Variants in PCDH15 observed in about 807,000 individuals in gnomAD.
The protein encoded by PCDH15 is protocadherin related 15, also known as protocadherin-15.
Under a neutral mutation model 178.5 loss-of-function variants are expected in PCDH15, and 129 were observed. The observed-to-expected ratio is 0.72, with a 90% CI of 0.63 to 0.84. The LOEUF (loss-of-function observed/expected upper bound fraction) is 0.84. PCDH15 is among the 40% of genes least tolerant of loss of function. PCDH15 has a pLI of 0.00. For missense variants in PCDH15, 2,230 were observed against 2,099.9 expected, an observed-to-expected ratio of 1.06 and a Z score of -1.21; for synonymous variants, 800 against 732.0, an observed-to-expected ratio of 1.09 and a Z score of -1.50.
intron 37 of PCDH15, chr10:53,809,132 G>A: frequency 1.2e-6 from 2 of 1,613,720 alleles, no homozygotes; most frequent in Non-Finnish European, 8.5e-7. Context: ...TCTGATTCAG[G>A]GGTGGAACTC....
intron 2 of PCDH15, among the ~76,000 whole-genome samples, chr10:55,160,102 C>A (rs546366524): frequency 6.6e-6 from 1 of 152,006 alleles, no homozygotes; most frequent in African/African-American, 2.4e-5. Context: ...CAGTGAGAAG[C>A]GGCCCTGTGA....
chr10:55,462,822 T>A (rs538007339), intron 2 of PCDH15, among the ~76,000 whole-genome samples: 20 of 152,138 alleles, frequency 1.3e-4, no homozygotes, highest in Non-Finnish European at 2.8e-4. Context: ...AAAGGGTATA[T>A]GTTATACTAA....
intron 1 of PCDH15, among the ~76,000 whole-genome samples, chr10:55,247,190 T>C (rs150696449): frequency 1.7e-3 from 253 of 152,338 alleles, no homozygotes; most frequent in African/African-American, 5.9e-3. Flanking sequence ...TGCTGCAATG[T>C]ATTCTTTAGT....
chr10:53,940,224 G>A (rs2134066604), intron 24 of PCDH15, among the ~76,000 whole-genome samples: 1 of 152,232 alleles, frequency 6.6e-6, no homozygotes, highest in South Asian at 2.1e-4. Flanking sequence ...AGAACTTGTG[G>A]AGAACAGGTA....
intron 2 of PCDH15, among the ~76,000 whole-genome samples, chr10:55,098,906 G>C (rs1044494622): frequency 7.3e-6 from 1 of 136,218 alleles, no homozygotes; most frequent in African/African-American, 2.9e-5. Flanking sequence ...GAGAGAGAGA[G>C]AGAGAGAGAG....
At chr10:54,771,372 C>G (rs1335805072) in intron 1 of PCDH15, among the ~76,000 whole-genome samples, 2 of 152,024 alleles carry the variant, frequency 1.3e-5, no homozygotes, top group Non-Finnish European at 2.9e-5. Context: ...ATACTTATGT[C>G]TTCTTATTTT....
At chr10:55,529,686 G>A (rs1490729113) in intron 2 of PCDH15, among the ~76,000 whole-genome samples, 5 of 128,166 alleles carry the variant, frequency 3.9e-5, no homozygotes, top group Admixed American at 9.0e-5. Context: ...CTGCCTTTAG[G>A]GATTATAAAT....
intron 1 of PCDH15, among the ~76,000 whole-genome samples, chr10:54,739,883 A>T (rs1944569295): frequency 1.3e-5 from 2 of 152,076 alleles, no homozygotes; most frequent in South Asian, 4.1e-4. Flanking sequence ...AAAATCAAAT[A>T]AAAATGGATT....
At chr10:55,017,808 G>C (rs1397773809) in intron 2 of PCDH15, among the ~76,000 whole-genome samples, 1 of 151,948 alleles carries the variant, frequency 6.6e-6, no homozygotes, top group Non-Finnish European at 1.5e-5. Context: ...AGGCCTATTA[G>C]AGCTGAATAA....
chr10:54,379,566 GA>G (rs1303251372), intron 3 of PCDH15, among the ~76,000 whole-genome samples: 3 of 151,232 alleles, frequency 2.0e-5, no homozygotes, highest in Non-Finnish European at 4.4e-5. Context: ...ACATTTCAGT[GA>G]TTGCTTTCTT....
intron 5 of PCDH15, among the ~76,000 whole-genome samples, chr10:54,359,961 T>C (rs1352035806): frequency 1.3e-5 from 2 of 152,132 alleles, no homozygotes; most frequent in Non-Finnish European, 2.9e-5. Flanking sequence ...CAATTACTAA[T>C]TAAATCAGCA....
At chr10:55,252,432 A>C (rs1341896864) in intron 1 of PCDH15, among the ~76,000 whole-genome samples, 1 of 152,160 alleles carries the variant, frequency 6.6e-6, no homozygotes, top group African/African-American at 2.4e-5. Flanking sequence ...TCCTTTTTAA[A>C]AAATATTTAA....
chr10:54,513,468 C>T (rs889460118), intron 3 of PCDH15, among the ~76,000 whole-genome samples: 3 of 151,966 alleles, frequency 2.0e-5, no homozygotes, highest in Admixed American at 6.6e-5. Flanking sequence ...CACACAAACA[C>T]ACCAGTATTC....
intron 2 of PCDH15, among the ~76,000 whole-genome samples, chr10:54,996,152 G>T (rs2131923380): frequency 6.6e-6 from 1 of 152,240 alleles, no homozygotes; most frequent in South Asian, 2.1e-4. Context: ...AGGAGTTTCA[G>T]AAACCCTCCT....
At chr10:54,809,127 T>C (rs1281421058) in intron 3 of PCDH15, among the ~76,000 whole-genome samples, 1 of 152,148 alleles carries the variant, frequency 6.6e-6, no homozygotes, top group Non-Finnish European at 1.5e-5. Flanking sequence ...TATTTGTAAA[T>C]TACTTAACCA....
In PCDH15 at chr10:54,725,291, A is replaced by T. The variant is rs1481225184; in HGVS notation, c.-28-61001T>A. Among the ~76,000 whole-genome samples, 3 of 150,848 alleles carry T rather than the reference A, an allele frequency of 2.0e-5. No individual in the cohort carries two copies. The East Asian group carries it at 5.8e-4, about 29-fold the overall frequency. On this transcript the variant is annotated intron_variant, in intron 1 of 37. Coordinates refer to ENST00000644397, the MANE Select transcript of PCDH15 (RefSeq NM_001384140.1). ...AAAAACCTTAAAATCATTGAAGAAA[A>T]TGTCCATTTTCTTAGTAAATGAATG...
intron 25 of PCDH15, chr10:53,906,799 CTCT>C (rs1475908103): frequency 4.3e-5 from 3 of 70,182 alleles, no homozygotes; most frequent in African/African-American, 2.0e-4. Context: ...CCCCTTATTC[CTCT>C]TTTTTTTTTT....
At chr10:54,174,319 T>A (rs1208076774) in intron 13 of PCDH15, among the ~76,000 whole-genome samples, 1 of 151,370 alleles carries the variant, frequency 6.6e-6, no homozygotes, top group African/African-American at 2.4e-5. Context: ...GATCACGAGG[T>A]CAGGAGAACC....
intron 2 of PCDH15, among the ~76,000 whole-genome samples, chr10:54,992,343 G>A (rs1035573468): frequency 1.6e-4 from 24 of 152,082 alleles, no homozygotes; most frequent in Admixed American, 5.9e-4. Flanking sequence ...CAATAACTTC[G>A]TAACGAAGGA....
Sources: allele counts gnomAD v4.1 joint callset (sites outside exome capture counted in the v4.1 genomes callset), GRCh38; gene constraint gnomAD v4.1.1; transcripts MANE v1.5; gene names NCBI Gene and HGNC (gene_info 2026-07-23, HGNC 2026-07-21).